Variants in HMCN2 observed in about 807,000 individuals in gnomAD.
HMCN2 encodes the protein hemicentin-2.
HMCN2 carries 325 observed loss-of-function variants against 377.5 expected under a neutral mutation model. The observed-to-expected ratio is 0.86, with a 90% confidence interval of 0.79 to 0.94. The LOEUF is 0.94. Among genes scored for constraint, HMCN2 ranks in the 40% least tolerant of loss-of-function variants. The pLI, the probability that HMCN2 is intolerant of heterozygous loss-of-function variation, is 0.00. For missense variants in HMCN2, 4,543 were observed against 4,725.3 expected, an observed-to-expected ratio of 0.96 and a Z score of 1.13; for synonymous variants, 2,007 against 2,046.8, an observed-to-expected ratio of 0.98 and a Z score of 0.53.
intron 15 of HMCN2, among the ~76,000 whole-genome samples, chr9:130,316,802 G>T (rs878978096): frequency 0.35 from 52,902 of 152,100 alleles, 10,888 homozygotes; most frequent in Non-Finnish European, 0.47. Flanking sequence ...GGGCCTGGGA[G>T]CCAGAAAGCA....
chr9:130,272,825 T>C (rs1342931177), intron 1 of HMCN2, among the ~76,000 whole-genome samples: 1 of 152,248 alleles, frequency 6.6e-6, no homozygotes, highest in South Asian at 2.1e-4. Context: ...CCCAAAGTGC[T>C]GGGATTACAG....
At chr9:130,390,010 G>A (rs1454540914) in intron 62 of HMCN2, among the ~76,000 whole-genome samples, 1 of 152,218 alleles carries the variant, frequency 6.6e-6, no homozygotes, top group East Asian at 1.9e-4. Flanking sequence ...GCATCTTTTG[G>A]CTGAGATGCT....
rs1840139928 is a variant in HMCN2 at position 130,357,971 on chromosome 9, T to A, written c.5563T>A (p.Phe1855Ile). The change falls in exon 35 of 98, where the codon TTT becomes ATT. Residue 1855 changes from phenylalanine to isoleucine, a missense_variant. Transcript: ENST00000683500. ...GAAGGATGGTGTAGCCCTGGCAGCC[T>A]TTGGGGGGAACCTACAGGTATGTGC... is the stretch of plus-strand genomic sequence containing the variant. Reference protein sequence around the residue: ...WWKDGVALAAFGGNLQIEKVD... With the variant: ...WWKDGVALAAIGGNLQIEKVD... The A allele has an allele frequency of 7.7e-7, 1 of 1,303,872 alleles. No individual in the cohort carries two copies. The highest frequency in any genetic ancestry group is 1.0e-6 in the Non-Finnish European group (1 of 988,848). 80.8% of individuals were successfully genotyped at this position (1,303,872 alleles called of 1,614,324 possible). A position where few individuals can be genotyped will look rare whatever the true frequency, so the allele number is the denominator to read the frequency against.
chr9:130,399,641 G>A lies in HMCN2; in HGVS notation c.11605+9G>A, dbSNP rs774927416. 1.6e-6 allele frequency: 2 copies of A among 1,283,710 alleles called. No homozygotes were observed. The highest frequency in any genetic ancestry group is 1.0e-6 in the Non-Finnish European group (1 of 983,876). 79.5% of individuals were successfully genotyped at this position (1,283,710 alleles called of 1,614,324 possible). A position where few individuals can be genotyped will look rare whatever the true frequency, so the allele number is the denominator to read the frequency against. On this transcript the variant is annotated intron_variant, in intron 76 of 97. Transcript: ENST00000683500. ...CCAGGTGACCGTCCATGGTGAGTCG[G>A]GGCAGAGGTGGAGGGGGACACCTGG...
intron 30 of HMCN2, among the ~76,000 whole-genome samples, chr9:130,352,497 G>T (rs1260097137): frequency 6.6e-6 from 1 of 152,244 alleles, no homozygotes; most frequent in Admixed American, 6.5e-5. Flanking sequence ...TCCATTCTGA[G>T]ATGCAGTTAT....
At chr9:130,349,507 T>A in intron 28 of HMCN2, 30 bp from the exon 29 acceptor site, 1 of 1,300,392 alleles carries the variant, frequency 7.7e-7, no homozygotes, top group Non-Finnish European at 1.0e-6. Flanking sequence ...TTTGAACAGT[T>A]TCCCACCCCT....
At chr9:130,349,463 G>A in intron 28 of HMCN2, 74 bp from the exon 29 acceptor site, 1 of 1,270,988 alleles carries the variant, frequency 7.9e-7, no homozygotes, top group Non-Finnish European at 1.0e-6. Flanking sequence ...GGTCTGCACA[G>A]ACAAAGGCCC....
chr9:130,424,850 C>A lies in HMCN2; in HGVS notation c.13456C>A (p.Leu4486Met). ...WALARESGEA[L>M]NGHSLTGGRF... ...CCTGGCCAGAGAGAGTGGGGAAGCC[C>A]TGAATGGCCACTCTCTGACTGGGGG... Residue 4486 changes from leucine (L) to methionine (M), a missense_variant, in exon 88 of 98, where the codon CTG (leucine) becomes ATG (methionine). By Grantham distance (15) the Leu-to-Met change is conservative. Transcript: ENST00000683500. 6.7e-7 allele frequency: 1 copy of A among 1,491,826 alleles called. No homozygotes were observed. The highest frequency in any genetic ancestry group is 9.0e-7 in the Non-Finnish European group (1 of 1,115,568). 92.4% of individuals were successfully genotyped at this position (1,491,826 alleles called of 1,614,324 possible).
Position 130,385,444 on chromosome 9 carries a change from C to T in HMCN2, c.9107-116C>T, listed in dbSNP as rs150310051. The T allele has an allele frequency of 9.5e-4, 580 of 610,852 alleles. 6 individuals are homozygous for T. The African/African-American group carries it at 0.01, about 11-fold the overall frequency. 37.8% of individuals were successfully genotyped at this position (610,852 alleles called of 1,614,324 possible). ...CCTCCCCTGGGTCTGCGCCAGCCCC[C>T]GGGGCTGGGTCTGCTGTGTGACCCT... On this transcript the variant is annotated intron_variant, in intron 59 of 97. Coordinates refer to ENST00000683500, the MANE Select transcript of HMCN2 (RefSeq NM_001291815.2).
intron 32 of HMCN2, 65 bp from the exon 33 acceptor site, chr9:130,355,681 C>T (rs1839987665): frequency 1.1e-6 from 1 of 945,372 alleles, no homozygotes. Context: ...GCTCTGGGGA[C>T]TTGGGAGGGT....
rs1034371328 is a variant in HMCN2 at position 130,307,532 on chromosome 9, T to C, written c.2166T>C (p.Ser722=). Residue 722 remains serine (S), a synonymous_variant, in exon 14 of 98, where the codon TCT becomes TCC. Transcript: ENST00000683500. ...AGGCTGTGTTGGTGTGTGAGGCATCTGGGGTTCCCCCGCCCCGAGTCATCT... is the reference window on the plus strand; with the variant it reads ...AGGCTGTGTTGGTGTGTGAGGCATCCGGGGTTCCCCCGCCCCGAGTCATCT... ...GEEAVLVCEA[S]GVPPPRVIWY... 1 of 471,180 alleles carries C rather than the reference T, an allele frequency of 2.1e-6. No individual in the cohort carries two copies. The highest frequency in any genetic ancestry group is 1.5e-5 in the South Asian group (1 of 64,562). 29.2% of individuals were successfully genotyped at this position (471,180 alleles called of 1,614,324 possible).
intron 85 of HMCN2, among the ~76,000 whole-genome samples, chr9:130,418,192 T>C (rs1843793046): frequency 6.6e-6 from 1 of 152,124 alleles, no homozygotes; most frequent in Non-Finnish European, 1.5e-5. Flanking sequence ...AGTCAGGCAA[T>C]AGAAGACTAC....
chr9:130,304,039 T>C lies in HMCN2; in HGVS notation c.1543+431T>C, dbSNP rs1472952768. Among the ~76,000 whole-genome samples the C allele has an allele frequency of 2.0e-5, 3 of 152,136 alleles. No homozygotes were observed. The highest frequency in any genetic ancestry group is 7.2e-5 in the African/African-American group (3 of 41,420). ...TTGAAAAATTACGAACGCAAGCTGC[T>C]TTGTAGAGAAAAAAAGGAACCCGTA... On this transcript the variant is annotated intron_variant, in intron 10 of 97. Transcript: ENST00000683500. The surrounding 1 kb of genome is among the most constrained non-coding windows in gnomAD (Gnocchi z 4.3).
At chr9:130,421,511 G>C (rs1194938300) in intron 86 of HMCN2, among the ~76,000 whole-genome samples, 1 of 152,150 alleles carries the variant, frequency 6.6e-6, no homozygotes, top group Non-Finnish European at 1.5e-5. Flanking sequence ...GTCACTCCAT[G>C]TCTGAGAGAG....
At chr9:130,382,029 C>G (rs1028940856) in intron 54 of HMCN2, among the ~76,000 whole-genome samples, 155 bp from the exon 55 acceptor site, 1 of 152,116 alleles carries the variant, frequency 6.6e-6, no homozygotes, top group Non-Finnish European at 1.5e-5. Flanking sequence ...CCACTCCACC[C>G]GTGAGCTGGG....
chr9:130,357,406 A>G (rs959791129), intron 34 of HMCN2, among the ~76,000 whole-genome samples: 5 of 143,268 alleles, frequency 3.5e-5, no homozygotes, highest in East Asian at 2.2e-4. Flanking sequence ...GGATGGAGGG[A>G]TGGATGGATG....
chr9:130,277,069 G>A (rs1554923363), intron 1 of HMCN2, among the ~76,000 whole-genome samples: 1 of 152,256 alleles, frequency 6.6e-6, no homozygotes, highest in Non-Finnish European at 1.5e-5. Flanking sequence ...GAAGCTGGGC[G>A]AGGAAGTGGG....
chr9:130,386,049 C>T (rs1226481496), intron 60 of HMCN2, among the ~76,000 whole-genome samples: 2 of 152,202 alleles, frequency 1.3e-5, no homozygotes, highest in East Asian at 1.9e-4. Context: ...GGCTGACCAT[C>T]TGAGACTCCT....
At chr9:130,343,986 G>A (rs1329484021) in intron 25 of HMCN2, among the ~76,000 whole-genome samples, 6 of 152,152 alleles carry the variant, frequency 3.9e-5, no homozygotes, top group African/African-American at 1.2e-4. Context: ...TGTGTGTGGT[G>A]TGTGGGACTC....
Sources: allele counts gnomAD v4.1 joint callset (sites outside exome capture counted in the v4.1 genomes callset), GRCh38; gene constraint gnomAD v4.1.1; non-coding constraint Gnocchi (gnomAD v3.1); transcripts MANE v1.5; gene names NCBI Gene and HGNC (gene_info 2026-07-23, HGNC 2026-07-21).